The following SH2D4B variants were observed in gnomAD, a reference collection of about 807,000 sequenced individuals.
The protein encoded by SH2D4B is SH2 domain containing 4B, also known as SH2 domain-containing protein 4B.
In SH2D4B, 45 loss-of-function variants were observed where a neutral mutation model predicts 61.5. The observed-to-expected ratio is 0.73, with a 90% CI of 0.58 to 0.94. The LOEUF is 0.94. Ranked by LOEUF, SH2D4B falls within the 40% of genes least tolerant of loss-of-function variation. The pLI is 0.00. For missense variants in SH2D4B, 572 were observed against 574.2 expected, an observed-to-expected ratio of 1.00 and a Z score of 0.04; for synonymous variants, 224 against 220.4, an observed-to-expected ratio of 1.02 and a Z score of -0.14.
chr10:80,631,030 G>A (rs375578028), intron 6 of SH2D4B, among the ~76,000 whole-genome samples: 2 of 152,198 alleles, frequency 1.3e-5, no homozygotes, highest in Admixed American at 6.5e-5. Flanking sequence ...ACAAAATAAC[G>A]TGTTGGCAAG....
intron 1 of SH2D4B, among the ~76,000 whole-genome samples, chr10:80,567,539 A>G (rs1361200590): frequency 2.0e-5 from 3 of 152,202 alleles, no homozygotes; most frequent in Non-Finnish European, 4.4e-5. Flanking sequence ...AAGACATATC[A>G]TTTAAATACC....
intron 1 of SH2D4B, among the ~76,000 whole-genome samples, chr10:80,558,686 T>C (rs181496327): frequency 7.9e-5 from 12 of 152,226 alleles, no homozygotes; most frequent in African/African-American, 2.9e-4. Flanking sequence ...GGATTTGCCA[T>C]GTGGTCAAGG....
rs1421186119 is a variant in SH2D4B, at chr10:80,538,061, A to G, written c.-271A>G. 2 of 218,492 alleles carry G rather than the reference A, an allele frequency of 9.2e-6. No homozygotes were observed. The highest frequency in any genetic ancestry group is 1.8e-5 in the Non-Finnish European group (2 of 111,492). 13.5% of individuals were successfully genotyped at this position (218,492 alleles called of 1,614,324 possible). On this transcript the variant is annotated 5_prime_UTR_variant, in exon 1 of 8. Coordinates refer to ENST00000646907, the MANE Select transcript of SH2D4B (RefSeq NM_001388272.1). The surrounding 1 kb of genome is among the most constrained non-coding windows in gnomAD (Gnocchi z 4.8). ...CCGTGCTTGGTGACCCAGGAGAAGG[A>G]CTAGATTGCTCCTGGTGGTTGCTCC...
At position 80,603,633 on chromosome 10, in the gene SH2D4B, G is replaced by T; in HGVS notation, c.698G>T (p.Arg233Leu). ...EERSRRAQRARDEYRHHSLRA... is the reference protein window; with the variant it reads ...EERSRRAQRALDEYRHHSLRA... ...AGGAGCCGCCGAGCCCAGCGCGCCC[G>T]GGACGAGTACCGACACCACTCGCTC... Residue 233 changes from arginine (R) to leucine (L), a missense_variant, in exon 5 of 8, where the codon CGG becomes CTG. Physicochemically the swap from Arg to Leu is moderately radical, Grantham distance 102 (BLOSUM62 -2). Coordinates refer to ENST00000646907, the MANE Select transcript of SH2D4B (RefSeq NM_001388272.1). The T allele has an allele frequency of 6.3e-7, 1 of 1,596,256 alleles. No individual in the cohort carries two copies. Among genetic ancestry groups the T allele is most frequent in the African/African-American group, 1.3e-5 (1 of 74,846 alleles).
chr10:80,634,075 C>T (rs1564530966), intron 6 of SH2D4B, among the ~76,000 whole-genome samples: 1 of 152,182 alleles, frequency 6.6e-6, no homozygotes. Flanking sequence ...CCCAGGCTCA[C>T]GGCGGGTGGC....
chr10:80,609,295 T>TC, intron 5 of SH2D4B, 129 bp from the exon 6 acceptor site: 1 of 855,756 alleles, frequency 1.2e-6, no homozygotes, highest in Non-Finnish European at 1.7e-6. Context: ...TGCCCCTTCT[T>TC]CCACCCCCCC....
intron 1 of SH2D4B, among the ~76,000 whole-genome samples, chr10:80,559,284 T>G (rs1412062443): frequency 6.6e-6 from 1 of 152,214 alleles, no homozygotes; most frequent in Non-Finnish European, 1.5e-5. Context: ...ATATCTTTTT[T>G]ACAATGCTTT....
At chr10:80,614,627 G>A (rs1589358283) in intron 6 of SH2D4B, among the ~76,000 whole-genome samples, 1 of 152,252 alleles carries the variant, frequency 6.6e-6, no homozygotes, top group Non-Finnish European at 1.5e-5. Flanking sequence ...TTGATGGCTA[G>A]CGAACCCCCC....
chr10:80,585,245 C>T (rs1842229641), intron 3 of SH2D4B, among the ~76,000 whole-genome samples: 1 of 152,088 alleles, frequency 6.6e-6, no homozygotes, highest in Admixed American at 6.6e-5. Context: ...CAGGAAGAGA[C>T]CAGACACCTG....
chr10:80,643,685 C>T (rs191373037), intron 7 of SH2D4B, among the ~76,000 whole-genome samples: 3 of 152,212 alleles, frequency 2.0e-5, no homozygotes, highest in East Asian at 1.9e-4. Context: ...TCAACTCTTC[C>T]TCGGCTTGCT....
chr10:80,637,735 G>A (rs959872667), intron 7 of SH2D4B, among the ~76,000 whole-genome samples: 4 of 152,164 alleles, frequency 2.6e-5, no homozygotes, highest in African/African-American at 9.7e-5. Context: ...CTGCAAACAG[G>A]AACAATTTGA....
chr10:80,597,165 C>CAT (rs1455763650), intron 4 of SH2D4B, among the ~76,000 whole-genome samples: 1 of 152,128 alleles, frequency 6.6e-6, no homozygotes, highest in Non-Finnish European at 1.5e-5. Context: ...TTTTGGTATT[C>CAT]ATGAGAGATG....
At chr10:80,638,774 G>T (rs1018432492) in intron 7 of SH2D4B, among the ~76,000 whole-genome samples, 1 of 152,244 alleles carries the variant, frequency 6.6e-6, no homozygotes, top group East Asian at 1.9e-4. Flanking sequence ...GGTTTTTTGT[G>T]TGTCTATCTC....
intron 6 of SH2D4B, among the ~76,000 whole-genome samples, chr10:80,626,402 T>C (rs773053604): frequency 6.6e-6 from 1 of 152,236 alleles, no homozygotes; most frequent in Non-Finnish European, 1.5e-5. Context: ...TTCTGTCTGG[T>C]TGACAAAAGA....
chr10:80,558,747 T>A (rs1422543242), intron 1 of SH2D4B, among the ~76,000 whole-genome samples: 1 of 152,134 alleles, frequency 6.6e-6, no homozygotes, highest in African/African-American at 2.4e-5. Flanking sequence ...TCAAGCAATC[T>A]GTCCAACTTG....
chr10:80,635,165 CA>C (rs1195046904), intron 7 of SH2D4B, among the ~76,000 whole-genome samples: 1 of 152,198 alleles, frequency 6.6e-6, no homozygotes, highest in East Asian at 1.9e-4. Context: ...TCTTGTTTCT[CA>C]GCATTCTTTT....
At chr10:80,620,968 T>C (rs1842713036) in intron 6 of SH2D4B, among the ~76,000 whole-genome samples, 1 of 152,256 alleles carries the variant, frequency 6.6e-6, no homozygotes, top group South Asian at 2.1e-4. Context: ...CTCATAGATC[T>C]TATGTTTGCA....
intron 6 of SH2D4B, among the ~76,000 whole-genome samples, chr10:80,610,175 T>C (rs1211449096): frequency 2.0e-5 from 3 of 152,144 alleles, no homozygotes; most frequent in African/African-American, 7.2e-5. Context: ...GCTGGCACAT[T>C]CTCATTTTCC....
At chr10:80,608,962 T>C (rs1274655989) in intron 5 of SH2D4B, among the ~76,000 whole-genome samples, 1 of 152,092 alleles carries the variant, frequency 6.6e-6, no homozygotes, top group Non-Finnish European at 1.5e-5. Context: ...GAATTGTTTC[T>C]GAGAGAGAGA....
Sources: gnomAD v4.1 joint callset for allele counts (sites outside exome capture counted in the v4.1 genomes callset) on GRCh38, gnomAD v4.1.1 for gene constraint, Gnocchi (gnomAD v3.1) non-coding constraint, MANE v1.5 for transcripts, NCBI Gene and HGNC (gene_info 2026-07-23, HGNC 2026-07-21) for gene names.